CDH8: variants seen among roughly 807,000 people sequenced by gnomAD.
CDH8 encodes cadherin-8.
CDH8 carries 17 observed loss-of-function variants against 68.1 expected under a neutral mutation model. That is an observed-to-expected ratio of 0.25 (90% CI 0.17 to 0.37). CDH8 has a LOEUF of 0.37. Among genes scored for constraint, CDH8 ranks in the 10% least tolerant of loss-of-function variants. The pLI is 1.00. For synonymous variants in CDH8, 372 were observed against 365.1 expected (o/e 1.02, Z -0.21); for missense variants, 763 against 999.3 (o/e 0.76, Z 3.19).
At chr16:61,914,893 T>C (rs1964215011) in intron 2 of CDH8, among the ~76,000 whole-genome samples, 1 of 152,204 alleles carries the variant, frequency 6.6e-6, no homozygotes, top group Non-Finnish European at 1.5e-5. Flanking sequence ...GTGAGACCTG[T>C]GTTAGACTTC....
At chr16:62,007,762 C>T (rs1901708155) in intron 2 of CDH8, among the ~76,000 whole-genome samples, 1 of 151,978 alleles carries the variant, frequency 6.6e-6, no homozygotes, top group Non-Finnish European at 1.5e-5. Context: ...TATCCTCCGC[C>T]TTCCCTCTTT....
At chr16:61,795,941 T>G (rs1056055100) in intron 7 of CDH8, among the ~76,000 whole-genome samples, 1 of 152,078 alleles carries the variant, frequency 6.6e-6, no homozygotes, top group African/African-American at 2.4e-5. Flanking sequence ...TTTTTAAGAA[T>G]TTTCTCTCCT....
chr16:61,656,328 T>C (rs986941039), intron 10 of CDH8, among the ~76,000 whole-genome samples: 7 of 152,216 alleles, frequency 4.6e-5, no homozygotes, highest in Non-Finnish European at 8.8e-5. Flanking sequence ...AAGACATATA[T>C]TATCTCATCT....
rs757208957 is a variant in CDH8 at position 61,653,108 on chromosome 16, A to G, written c.*500T>C. The G allele has an allele frequency of 2.4e-6, 3 of 1,257,534 alleles. No homozygotes were observed. Among genetic ancestry groups the G allele is most frequent in the Non-Finnish European group, 1.0e-6 (1 of 1,002,200 alleles). 77.9% of individuals were successfully genotyped at this position (1,257,534 alleles called of 1,614,324 possible). On this transcript the variant is annotated 3_prime_UTR_variant, in exon 12 of 12. Coordinates refer to ENST00000577390, the MANE Select transcript of CDH8 (RefSeq NM_001796.5). ...ATCTAGGAGGCCTCTCAAAACTCCA[A>G]AAAGTTATAATGTACAGCAGACCAA...
intron 2 of CDH8, among the ~76,000 whole-genome samples, chr16:61,941,469 T>TTTCACTC (rs1393708963): frequency 1.3e-5 from 2 of 152,088 alleles, no homozygotes; most frequent in Admixed American, 6.5e-5. Flanking sequence ...TGAAACAGAG[T>TTTCACTC]TTCACTCTTC....
chr16:61,688,423 C>A (rs1429967559), intron 10 of CDH8, among the ~76,000 whole-genome samples: 1 of 152,000 alleles, frequency 6.6e-6, no homozygotes, highest in Non-Finnish European at 1.5e-5. Context: ...GACTTGCCTG[C>A]AAAGCAATTT....
At chr16:61,794,964 C>G (rs774010045) in intron 7 of CDH8, among the ~76,000 whole-genome samples, 16 of 151,912 alleles carry the variant, frequency 1.1e-4, no homozygotes, top group African/African-American at 3.9e-4. Flanking sequence ...ACCCCCATAC[C>G]ACAGCTATGC....
At chr16:61,840,315 G>A (rs906229497) in intron 4 of CDH8, among the ~76,000 whole-genome samples, 7 of 152,062 alleles carry the variant, frequency 4.6e-5, no homozygotes, top group Admixed American at 6.6e-5. Flanking sequence ...AATTATTAAT[G>A]AGCCTTCCTT....
chr16:61,738,993 G>A (rs112665865), intron 8 of CDH8, among the ~76,000 whole-genome samples: 60 of 151,988 alleles, frequency 3.9e-4, no homozygotes, highest in African/African-American at 1.4e-3. Flanking sequence ...TTTCCATGGT[G>A]CAACAGGTAA....
At chr16:61,668,544 A>G (rs896269775) in intron 10 of CDH8, among the ~76,000 whole-genome samples, 3 of 152,018 alleles carry the variant, frequency 2.0e-5, no homozygotes, top group African/African-American at 7.2e-5. Flanking sequence ...AACAATTTCT[A>G]TTGTGTTTGA....
intron 3 of CDH8, among the ~76,000 whole-genome samples, chr16:61,862,311 C>T (rs1030925922): frequency 4.6e-5 from 7 of 152,080 alleles, no homozygotes; most frequent in African/African-American, 1.7e-4. Flanking sequence ...ATACATTAAG[C>T]AGGAGGCTAG....
At chr16:61,852,099 C>T (rs1434134309) in intron 4 of CDH8, among the ~76,000 whole-genome samples, 1 of 151,976 alleles carries the variant, frequency 6.6e-6, no homozygotes, top group Non-Finnish European at 1.5e-5. Context: ...GTATGCAAAC[C>T]CAGTTAGCAC....
At chr16:61,848,520 T>C (rs534128404) in intron 4 of CDH8, among the ~76,000 whole-genome samples, 1 of 152,196 alleles carries the variant, frequency 6.6e-6, no homozygotes, top group Non-Finnish European at 1.5e-5. Flanking sequence ...GGGATTATTT[T>C]AATAATCACA....
At position 61,782,427 on chromosome 16, in the gene CDH8, C is replaced by T. The variant is rs542457053; in HGVS notation, c.1414+6919G>A. Among the ~76,000 whole-genome samples, 10 of 152,060 alleles carry T rather than the reference C, an allele frequency of 6.6e-5. 1 individual carries two copies. The South Asian group carries it at 8.3e-4, about 13-fold the overall frequency. On this transcript the variant is annotated intron_variant, in intron 8 of 11. Transcript: ENST00000577390. ...ACGAGACTATATCCCACACCTGGCT[C>T]GGAGGGTCCTACGCCCACGGAGTCT...
At chr16:61,655,765 G>T in intron 10 of CDH8, 44 bp from the exon 11 acceptor site, 1 of 1,565,786 alleles carries the variant, frequency 6.4e-7, no homozygotes, top group Non-Finnish European at 8.8e-7. Context: ...ATTTCAAAAT[G>T]ACTCTCCAAA....
intron 4 of CDH8, among the ~76,000 whole-genome samples, chr16:61,850,567 G>A (rs937519433): frequency 6.6e-6 from 1 of 151,940 alleles, no homozygotes; most frequent in South Asian, 2.1e-4. Context: ...ATTATATATC[G>A]AAAAAGTTCT....
Position 61,901,338 on chromosome 16 carries a change from C to T in CDH8, c.388G>A (p.Ala130Thr). The T allele has an allele frequency of 6.2e-7, 1 of 1,613,998 alleles. No individual in the cohort carries two copies. Among genetic ancestry groups the T allele is most frequent in the Non-Finnish European group, 8.5e-7 (1 of 1,179,970 alleles). Residue 130 changes from alanine to threonine, a missense_variant, in exon 3 of 12, where the codon GCT becomes ACT. Physicochemically the swap from Ala to Thr is moderately conservative, Grantham distance 58. This residue lies in a region of CDH8 where 366 missense variants were observed against 563.1 expected (regional missense o/e 0.65). Transcript: ENST00000577390. ...GCTTGAGCTGTTAGGGTATACTCAG[C>T]CTTTTCCTCCCGGTCAAGTCTTTTT... ...AIKRLDREEK[A>T]EYTLTAQAVD...
At chr16:61,841,957 G>A (rs987038524) in intron 4 of CDH8, among the ~76,000 whole-genome samples, 10 of 152,030 alleles carry the variant, frequency 6.6e-5, no homozygotes, top group Admixed American at 3.3e-4. Context: ...GCACGATCTC[G>A]GTTCACTGCA....
At position 61,652,231 on chromosome 16, in the gene CDH8, G is replaced by A. The variant is rs1963338022; in HGVS notation, c.*1377C>T. The A allele has an allele frequency of 1.0e-6, 1 of 983,526 alleles. No individual in the cohort carries two copies. Among genetic ancestry groups the A allele is most frequent in the Non-Finnish European group, 1.2e-6 (1 of 828,264 alleles). The allele number at this position is 983,526 out of a possible 1,614,324, so 60.9% of individuals were successfully genotyped here. On this transcript the variant is annotated 3_prime_UTR_variant, in exon 12 of 12. Transcript: ENST00000577390. ...TCTTCTAGTGCTGTTCCTTTTTGGA[G>A]TCTAAGACATTCTGTGCATCACCAT...
Sources: gnomAD v4.1 joint callset for allele counts (sites outside exome capture counted in the v4.1 genomes callset) on GRCh38, gnomAD v4.1.1 for gene constraint, gnomAD v4.1.1 regional missense constraint, MANE v1.5 for transcripts, NCBI Gene and HGNC (gene_info 2026-07-23, HGNC 2026-07-21) for gene names.